The following ZNF106 variants were observed in gnomAD, a reference collection of about 807,000 sequenced individuals.
The protein encoded by ZNF106 is SH3-domain binding protein 3.
Under a neutral mutation model 195.1 loss-of-function variants are expected in ZNF106, and 67 were observed. The observed-to-expected ratio is 0.34, with a 90% confidence interval of 0.28 to 0.42. ZNF106 has a LOEUF of 0.42. Among genes scored for constraint, ZNF106 ranks in the 10% least tolerant of loss-of-function variants. The pLI, the probability that ZNF106 is intolerant of heterozygous loss-of-function variation, is 1.00. For synonymous variants in ZNF106, 784 were observed against 818.6 expected (o/e 0.96, Z 0.72); for missense variants, 2,118 against 2,304.5 (o/e 0.92, Z 1.66).
At position 42,430,441 on chromosome 15, in the gene ZNF106, G is replaced by A. The variant is rs139206587; in HGVS notation, c.4882-2307C>T. On this transcript the variant is annotated intron_variant, in intron 14 of 21. Transcript: ENST00000564754. Reference sequence around the variant, plus strand: ...TGCCTCCTGGCTAGAGTGCAGTGACGTGATTACTGCTCACTGCAGCCTTGA... The same window carrying A: ...TGCCTCCTGGCTAGAGTGCAGTGACATGATTACTGCTCACTGCAGCCTTGA... 5.2e-3 allele frequency among the ~76,000 whole-genome samples: 786 copies of A among 152,116 alleles called. 20 individuals are homozygous for A. Among genetic ancestry groups the A allele is most frequent in the African/African-American group, 0.018 (753 of 41,386 alleles).
chr15:42,487,627 TG>T (rs1314285083), intron 1 of ZNF106, among the ~76,000 whole-genome samples: 1 of 152,174 alleles, frequency 6.6e-6, no homozygotes, highest in Non-Finnish European at 1.5e-5. Flanking sequence ...TCAATTTTTT[TG>T]CATGAAAATA....
chr15:42,469,262 T>C (rs543680126), intron 2 of ZNF106, among the ~76,000 whole-genome samples: 1 of 152,182 alleles, frequency 6.6e-6, no homozygotes, highest in African/African-American at 2.4e-5. Context: ...TGCTTACCAA[T>C]ATGCCTAATC....
rs1256485590 is a variant in ZNF106 at position 42,450,834 on chromosome 15, A to G, written c.1438T>C (p.Cys480Arg). ...MPSLKSPLLP[C>R]PATKSLSQKQ... ...TGAGACAATGATTTAGTGGCTGGAC[A>G]TGGAAGGAGTGGGGATTTCAATGAT... Residue 480 changes from cysteine to arginine, a missense_variant, in exon 5 of 22, where the codon TGT becomes CGT. Cys to Arg is a radical substitution (Grantham distance 180). Coordinates refer to ENST00000564754, the MANE Select transcript of ZNF106 (RefSeq NM_001366845.3). The G allele has an allele frequency of 5.0e-6, 8 of 1,614,068 alleles. No homozygotes were observed. The highest frequency in any genetic ancestry group is 2.7e-5 in the African/African-American group (2 of 74,928).
At chr15:42,489,444 T>A (rs980873853) in intron 1 of ZNF106, among the ~76,000 whole-genome samples, 9 of 152,064 alleles carry the variant, frequency 5.9e-5, no homozygotes, top group Non-Finnish European at 1.3e-4. Context: ...CCCAGAGTGC[T>A]GGGATTACAG....
chr15:42,431,909 C>T (rs1003447866), intron 14 of ZNF106, among the ~76,000 whole-genome samples: 4 of 152,148 alleles, frequency 2.6e-5, no homozygotes, highest in African/African-American at 7.2e-5. Context: ...CCACCACACC[C>T]GGCCAGTGTT....
At chr15:42,483,639 A>C (rs559550364) in intron 1 of ZNF106, among the ~76,000 whole-genome samples, 1 of 152,350 alleles carries the variant, frequency 6.6e-6, no homozygotes, top group East Asian at 1.9e-4. Flanking sequence ...TAATTATGTA[A>C]GATATAAATC....
Position 42,439,844 on chromosome 15 carries a change from C to CT in ZNF106, c.3764-32dup, listed in dbSNP as rs754625108. The stretch of plus-strand genomic sequence containing the variant: ...TTGAGAGGAAAAAAATTATTGCATC[C>CT]TTTTTTGTGTTTGCTGCAATTTATC... On this transcript the variant is annotated intron_variant, in intron 10 of 21. Transcript: ENST00000564754. 83 of 1,493,234 alleles carry CT rather than the reference C, an allele frequency of 5.6e-5. No homozygotes were observed. In the African/African-American group the frequency reaches 1.1e-3, roughly 19 times the overall value. The allele number at this position is 1,493,234 out of a possible 1,614,324, so 92.5% of individuals were successfully genotyped here. A position where few individuals can be genotyped will look rare whatever the true frequency, so the allele number is the denominator to read the frequency against.
At chr15:42,430,429 G>C (rs1212455105) in intron 14 of ZNF106, among the ~76,000 whole-genome samples, 1 of 152,020 alleles carries the variant, frequency 6.6e-6, no homozygotes, top group Non-Finnish European at 1.5e-5. Flanking sequence ...CTCCTGGCTA[G>C]AGTGCAGTGA....
At chr15:42,440,998 A>AAATAT (rs1567009198) in intron 10 of ZNF106, among the ~76,000 whole-genome samples, 1 of 23,578 alleles carries the variant, frequency 4.2e-5, no homozygotes, top group Non-Finnish European at 6.5e-5. Flanking sequence ...AAAAAAAAAA[A>AAATAT]ATATATATAT....
intron 14 of ZNF106, among the ~76,000 whole-genome samples, chr15:42,428,875 T>C (rs1346291563): frequency 6.6e-6 from 1 of 151,892 alleles, no homozygotes; most frequent in Non-Finnish European, 1.5e-5. Context: ...ACCATTCTCC[T>C]GCCTCAGCCT....
Position 42,446,622 on chromosome 15 carries a change from T to G in ZNF106, c.3172A>C (p.Lys1058Gln). ...CCTTTAATTTTCCTTCTTTTATTTT[T>G]TCTCTCAAGACTTGGGAGTTCAGGA... The part of the protein sequence containing the change: ...SSPELPSLER[K>Q]NKRRKIKGKK... The change falls in exon 7 of 22, where the codon AAA becomes CAA. Residue 1058 changes from lysine (K) to glutamine (Q), a missense_variant. Transcript: ENST00000564754. The G allele has an allele frequency of 6.2e-7, 1 of 1,604,014 alleles. No homozygotes were observed. The highest frequency in any genetic ancestry group is 8.5e-7 in the Non-Finnish European group (1 of 1,173,688).
rs1297733139 is a variant in ZNF106, at chr15:42,450,571, A to G, written c.1701T>C (p.Cys567=). ...GAAGTGGATTTTGCAATGACTCATGACACTGTAGCACCTCTTTGGCCTTTC... is the reference window on the plus strand; with the variant it reads ...GAAGTGGATTTTGCAATGACTCATGGCACTGTAGCACCTCTTTGGCCTTTC... ...TLRKAKEVLQ[C]HESLQNPLLS... is the part of the protein sequence containing the mutation. Residue 567 remains cysteine (C), a synonymous_variant, in exon 5 of 22, where the codon TGT becomes TGC. Coordinates refer to ENST00000564754, the MANE Select transcript of ZNF106 (RefSeq NM_001366845.3). 6.2e-7 allele frequency: 1 copy of G among 1,614,166 alleles called. No homozygotes were observed. The highest frequency in any genetic ancestry group is 1.7e-5 in the Admixed American group (1 of 60,014).
At chr15:42,445,283 T>C (rs2141340189) in intron 7 of ZNF106, among the ~76,000 whole-genome samples, 1 of 152,350 alleles carries the variant, frequency 6.6e-6, no homozygotes, top group East Asian at 1.9e-4. Context: ...GCAAACCACC[T>C]GTTCTAGGAC....
chr15:42,433,824 G>C (rs566096170), intron 14 of ZNF106, among the ~76,000 whole-genome samples: 109 of 152,178 alleles, frequency 7.2e-4, no homozygotes, highest in Non-Finnish European at 1.1e-3. Flanking sequence ...TATTAGAAAT[G>C]TAAATTCTTT....
chr15:42,469,771 G>C (rs2056619814), intron 2 of ZNF106, among the ~76,000 whole-genome samples: 2 of 151,568 alleles, frequency 1.3e-5, no homozygotes, highest in African/African-American at 2.4e-5. Flanking sequence ...CTGGGACACA[G>C]AGGTTGCAGT....
intron 9 of ZNF106, 125 bp from the exon 10 acceptor site, chr15:42,442,539 C>T (rs2055590925): frequency 1.4e-6 from 1 of 727,920 alleles, no homozygotes; most frequent in East Asian, 2.8e-5. Context: ...AGTATAGTCC[C>T]TCATAATTCT....
intron 3 of ZNF106, 62 bp from the exon 4 acceptor site, chr15:42,457,220 A>C: frequency 6.2e-7 from 1 of 1,612,348 alleles, no homozygotes; most frequent in Non-Finnish European, 8.5e-7. Context: ...CACTCACCAG[A>C]TCTGTTATTG....
Position 42,439,038 on chromosome 15 carries a change from A to T in ZNF106, c.4539T>A (p.Pro1513=). Residue 1513 remains proline (P), a synonymous_variant, in exon 11 of 22, where the codon CCT becomes CCA. Coordinates refer to ENST00000564754, the MANE Select transcript of ZNF106 (RefSeq NM_001366845.3). ...EIGTRYKDGI[P]VSVAETQTVI... ...GACCAATACAATATTCTTACCTTAC[A>T]GGGATGCCATCTTTATAGCGAGTGC... 6.2e-7 allele frequency: 1 copy of T among 1,611,782 alleles called. No homozygotes were observed. Among genetic ancestry groups the T allele is most frequent in the Non-Finnish European group, 8.5e-7 (1 of 1,178,810 alleles).
At position 42,413,173 on chromosome 15, in the gene ZNF106, T is replaced by C. The variant is rs28364554; in HGVS notation, c.*4131A>G. On this transcript the variant is annotated 3_prime_UTR_variant, in exon 22 of 22. Coordinates refer to ENST00000564754, the MANE Select transcript of ZNF106 (RefSeq NM_001366845.3). Reference sequence around the variant, plus strand: ...CACCAGGTAACCCAGCAGGGCCATATACTTGGGCTTGGAGGTGAGGTTAGA... The same window carrying C: ...CACCAGGTAACCCAGCAGGGCCATACACTTGGGCTTGGAGGTGAGGTTAGA... 0.042 allele frequency: 6,409 copies of C among 152,268 alleles called. 157 individuals carry two copies. The highest frequency in any genetic ancestry group is 0.066 in the African/African-American group (2,757 of 41,528). The allele number at this position is 152,268 out of a possible 1,614,324, so 9.4% of individuals were successfully genotyped here. A position where few individuals can be genotyped will look rare whatever the true frequency, so the allele number is the denominator to read the frequency against.
Sources: gnomAD v4.1 joint callset for allele counts (sites outside exome capture counted in the v4.1 genomes callset) on GRCh38, gnomAD v4.1.1 for gene constraint, MANE v1.5 for transcripts, NCBI Gene and HGNC (gene_info 2026-07-23, HGNC 2026-07-21) for gene names.